The following ANXA11 variants were observed in gnomAD, a reference collection of about 807,000 sequenced individuals.
ANXA11 encodes annexin A11, also known as 56 kDa autoantigen.
A neutral mutation model predicts 64.7 loss-of-function variants in ANXA11; 57 were observed. The observed-to-expected ratio is 0.88, with a 90% CI of 0.71 to 1.10. The LOEUF (loss-of-function observed/expected upper bound fraction) is 1.10, where lower values mean the gene tolerates loss of function less well. Among genes scored for constraint, ANXA11 ranks in the 50% least tolerant of loss-of-function variants. ANXA11 has a pLI of 0.00. For missense variants in ANXA11, 675 were observed against 670.7 expected (o/e 1.01, Z -0.07); for synonymous variants, 260 against 265.2 (o/e 0.98, Z 0.19).
chr10:80,164,077 C>T lies in ANXA11; in HGVS notation c.925G>A (p.Glu309Lys), dbSNP rs1845628998. The T allele has an allele frequency of 6.2e-7, 1 of 1,614,010 alleles. No individual in the cohort carries two copies. Among genetic ancestry groups the T allele is most frequent in the Admixed American group, 1.7e-5 (1 of 60,000 alleles). ...LASRSNEHIR[E>K]LNRAYKAEFK... ...CCTGCTTTGTAGGCTCTGTTTAATTCTCGGATGTGCTCATTGCTGCGGGAA... is the reference window on the plus strand; with the variant it reads ...CCTGCTTTGTAGGCTCTGTTTAATTTTCGGATGTGCTCATTGCTGCGGGAA... The change falls in exon 9 of 16, where the codon GAA becomes AAA. Residue 309 changes from glutamate (E) to lysine (K), a missense_variant. Coordinates refer to ENST00000422982, the MANE Select transcript of ANXA11 (RefSeq NM_145868.2).
At chr10:80,170,560 G>A (rs559986412) in intron 4 of ANXA11, among the ~76,000 whole-genome samples, 9 of 152,324 alleles carry the variant, frequency 5.9e-5, no homozygotes, top group East Asian at 1.9e-4. Context: ...AAAGGGACCT[G>A]TGAGATCATC....
chr10:80,191,859 C>T (rs939380687), intron 1 of ANXA11, among the ~76,000 whole-genome samples: 13 of 152,186 alleles, frequency 8.5e-5, no homozygotes, highest in East Asian at 1.9e-4. Flanking sequence ...ACCTCAGAGA[C>T]GACTCAGTTC....
At chr10:80,172,156 C>T (rs531819789) in intron 3 of ANXA11, among the ~76,000 whole-genome samples, 111 of 152,286 alleles carry the variant, frequency 7.3e-4, no homozygotes, top group African/African-American at 2.4e-3. Context: ...GTCTCATGAG[C>T]CCTCATATTT....
intron 1 of ANXA11, among the ~76,000 whole-genome samples, chr10:80,199,691 A>G (rs765113794): frequency 1.3e-5 from 2 of 152,214 alleles, no homozygotes; most frequent in Non-Finnish European, 2.9e-5. Context: ...AAATGAAAAA[A>G]TATGTAAAAT....
intron 2 of ANXA11, among the ~76,000 whole-genome samples, chr10:80,174,902 C>T (rs1846114182): frequency 6.6e-6 from 1 of 152,204 alleles, no homozygotes; most frequent in Non-Finnish European, 1.5e-5. Context: ...TAAGGTACCA[C>T]CGGTCCCCAT....
chr10:80,205,671 C>G (rs1840650538), upstream of ANXA11: 1 of 152,156 alleles, frequency 6.6e-6, no homozygotes, highest in Admixed American at 6.5e-5. Flanking sequence ...CGGAGCTGCT[C>G]CAGGAAGTCT....
At chr10:80,169,471 T>C (rs1455622511) in intron 4 of ANXA11, 113 bp from the exon 5 acceptor site, 2 of 1,260,996 alleles carry the variant, frequency 1.6e-6, no homozygotes, top group Non-Finnish European at 2.2e-6. Context: ...GCTTGTGGAA[T>C]ATGAAGTACC....
chr10:80,187,233 G>A (rs898971641), intron 1 of ANXA11, among the ~76,000 whole-genome samples: 2 of 152,168 alleles, frequency 1.3e-5, no homozygotes, highest in African/African-American at 4.8e-5. Flanking sequence ...ATTTGGAGGC[G>A]GGGCCTCTGG....
At chr10:80,181,491 A>G (rs1008773388) in intron 1 of ANXA11, 5 of 152,102 alleles carry the variant, frequency 3.3e-5, no homozygotes, top group Admixed American at 6.5e-5. Flanking sequence ...TAAATAAAAT[A>G]AAATGAAAGG....
At position 80,167,304 on chromosome 10, in the gene ANXA11, G is replaced by A. The variant is rs541812422; in HGVS notation, c.571C>T (p.Arg191Ter). The change falls in exon 6 of 16, where the codon CGA becomes TGA. Residue 191 changes from arginine to a stop codon, truncating the protein, a stop_gained. Coordinates refer to ENST00000422982, the MANE Select transcript of ANXA11 (RefSeq NM_145868.2). LOFTEE classifies it high-confidence loss of function. ...CCGGGAGCATCAGTGATGGTGCCTC[G>A]GCTTCCAAACTACTCGGACAAACAG... ...PAVPPTQFGSRGTITDAPGFD... is the reference protein window; with the variant it reads ...PAVPPTQFGS 1.7e-5 allele frequency: 28 copies of A among 1,613,996 alleles called. 1 individual carries two copies. The highest frequency in any genetic ancestry group is 1.7e-4 in the Middle Eastern group (1 of 6,060).
intron 13 of ANXA11, 101 bp downstream of exon 13, chr10:80,158,999 C>T: frequency 1.2e-6 from 1 of 867,208 alleles, no homozygotes; most frequent in Non-Finnish European, 1.9e-6. Context: ...CCTGTGGTCC[C>T]TTCACGGTGT....
chr10:80,180,622 TG>T (rs1360069278), intron 1 of ANXA11, among the ~76,000 whole-genome samples: 1 of 150,644 alleles, frequency 6.6e-6, no homozygotes, highest in African/African-American at 2.4e-5. Flanking sequence ...GTCTGGTGGC[TG>T]GAATATTGAT....
In ANXA11 at chr10:80,157,390, T is replaced by C. The variant is rs192402249; in HGVS notation, c.1458+251A>G. On this transcript the variant is annotated intron_variant, in intron 15 of 15. Coordinates refer to ENST00000422982, the MANE Select transcript of ANXA11 (RefSeq NM_145868.2). ...GGAACGCTGAAGGTCACGGTCAAGGTTGGGGAGGTCCCGAGTGTTCTCTGA... is the reference window on the plus strand; with the variant it reads ...GGAACGCTGAAGGTCACGGTCAAGGCTGGGGAGGTCCCGAGTGTTCTCTGA... 5 of 985,376 alleles carry C rather than the reference T, an allele frequency of 5.1e-6. No homozygotes were observed. In the African/African-American group the frequency reaches 5.2e-5, roughly 10 times the overall value. 61.0% of individuals were successfully genotyped at this position (985,376 alleles called of 1,614,324 possible).
intron 15 of ANXA11, chr10:80,157,407 G>A (rs1484805454): frequency 4.1e-6 from 4 of 985,366 alleles, no homozygotes; most frequent in African/African-American, 3.5e-5. Flanking sequence ...GGTCCCGAGT[G>A]TTCTCTGATG....
In ANXA11 at chr10:80,165,783, G is replaced by A. The variant is rs11201947; in HGVS notation, c.858+301C>T. On this transcript the variant is annotated intron_variant, in intron 8 of 15. Coordinates refer to ENST00000422982, the MANE Select transcript of ANXA11 (RefSeq NM_145868.2). ...CTACCCCTCTTCTTACCACAGAATC[G>A]CAACCTTCAAACCCGAGCTCCCCCT... is the stretch of plus-strand genomic sequence containing the variant. 1.2e-3 allele frequency among the ~76,000 whole-genome samples: 176 copies of A among 152,138 alleles called. 3 individuals carry two copies. In the East Asian group the frequency reaches 0.03, roughly 26 times the overall value.
rs1360974055 is a variant in ANXA11, at chr10:80,153,916, T to C, written c.*1937A>G. On this transcript the variant is annotated 3_prime_UTR_variant, in exon 16 of 16. Transcript: ENST00000422982. ...CCAGCAGGCTTGATCTAGCCTAGTC[T>C]CTCTGGATTCTCCCATTTCTTTTTG... The C allele has an allele frequency of 6.6e-6, 1 of 152,270 alleles. No homozygotes were observed. Among genetic ancestry groups the C allele is most frequent in the African/African-American group, 2.4e-5 (1 of 41,456 alleles). 9.4% of individuals were successfully genotyped at this position (152,270 alleles called of 1,614,324 possible). A position where few individuals can be genotyped will look rare whatever the true frequency, so the allele number is the denominator to read the frequency against.
rs138435504 is a variant in ANXA11 at position 80,155,678 on chromosome 10, C to A, written c.*175G>T. On this transcript the variant is annotated 3_prime_UTR_variant, in exon 16 of 16. Transcript: ENST00000422982. The stretch of plus-strand genomic sequence containing the variant: ...AAGGCATCCTGAGAGAGTTCTAGAC[C>A]GACCCAGGTCCTGTGGCACACTATA... The A allele has an allele frequency of 1.5e-6, 1 of 661,858 alleles. No individual in the cohort carries two copies. The highest frequency in any genetic ancestry group is 2.7e-6 in the Non-Finnish European group (1 of 376,676). 41.0% of individuals were successfully genotyped at this position (661,858 alleles called of 1,614,324 possible).
rs1216742862 is a variant in ANXA11 at position 80,167,290 on chromosome 10, A to G, written c.585T>C (p.Thr195=). The G allele has an allele frequency of 5.0e-6, 8 of 1,614,028 alleles. No homozygotes were observed. The African/African-American group carries it at 8.0e-5, about 16-fold the overall frequency. The change falls in exon 6 of 16, where the codon ACT becomes ACC. Residue 195 remains threonine, a synonymous_variant. Transcript: ENST00000422982. ...PTQFGSRGTI[T]DAPGFDPLRD... ...GCAGGGGGTCAAAGCCGGGAGCATCAGTGATGGTGCCTCGGCTTCCAAACT... is the reference window on the plus strand; with the variant it reads ...GCAGGGGGTCAAAGCCGGGAGCATCGGTGATGGTGCCTCGGCTTCCAAACT...
chr10:80,169,004 AC>A lies in ANXA11; in HGVS notation c.525del (p.Ser176LeufsTer38). 6.5e-7 allele frequency: 1 copy of A among 1,545,208 alleles called. No individual in the cohort carries two copies. The highest frequency in any genetic ancestry group is 2.1e-5 in the Admixed American group (1 of 46,588). On this transcript the variant is annotated frameshift_variant, in exon 5 of 16. Coordinates refer to ENST00000422982, the MANE Select transcript of ANXA11 (RefSeq NM_145868.2). LOFTEE classifies it high-confidence loss of function. ...QPVPSYPGYP[G>X]SGTVTPAVPP... ...GGCACAGCGGGGGTGACAGTCCCAG[AC>A]CCCGGGTATCCTGGGTAGCTCGGCA... is the stretch of plus-strand genomic sequence containing the variant.
Sources: gnomAD v4.1 joint callset for allele counts (sites outside exome capture counted in the v4.1 genomes callset) on GRCh38, gnomAD v4.1.1 for gene constraint, MANE v1.5 for transcripts, NCBI Gene and HGNC (gene_info 2026-07-23, HGNC 2026-07-21) for gene names.